Variants in CBFA2T3 observed in about 807,000 individuals in gnomAD.
CBFA2T3 encodes CBFA2/RUNX1 partner transcriptional co-repressor 3, also known as transcriptional corepressor CBFA2T3.
A neutral mutation model predicts 58.6 loss-of-function variants in CBFA2T3; 31 were observed. That is an observed-to-expected ratio of 0.53 (90% confidence interval 0.40 to 0.71). CBFA2T3 has a LOEUF of 0.71. Among genes scored for constraint, CBFA2T3 ranks in the 30% least tolerant of loss-of-function variants. The pLI is 0.00. For synonymous variants in CBFA2T3, 531 were observed against 421.9 expected (o/e 1.26, Z -3.17); for missense variants, 1,076 against 963.1 (o/e 1.12, Z -1.55).
intron 7 of CBFA2T3, 118 bp downstream of exon 7, chr16:88,884,928 G>C (rs1197591408): frequency 1.8e-5 from 13 of 727,768 alleles, no homozygotes; most frequent in Admixed American, 5.8e-5. Flanking sequence ...GGGGTCTCCC[G>C]AGCTCAGGTG....
Position 88,958,742 on chromosome 16 carries a change from G to C in CBFA2T3, c.151+17915C>G, listed in dbSNP as rs1382897478. On this transcript the variant is annotated intron_variant, in intron 1 of 11. Transcript: ENST00000268679. The surrounding 1 kb of genome is among the most constrained non-coding windows in gnomAD (Gnocchi z 4.0). ...GGAAGGAGATGAACTTGCTCTCCCA[G>C]GGCTGGGGCCTCAGGGCCTCAGCGT... Among the ~76,000 whole-genome samples, 1 of 152,036 alleles carries C rather than the reference G, an allele frequency of 6.6e-6. No individual in the cohort carries two copies. The highest frequency in any genetic ancestry group is 6.5e-5 in the Admixed American group (1 of 15,274).
At chr16:88,921,743 C>T (rs1205200970) in intron 1 of CBFA2T3, among the ~76,000 whole-genome samples, 5 of 152,264 alleles carry the variant, frequency 3.3e-5, no homozygotes, top group Admixed American at 6.5e-5. Context: ...CTGAGCCGTA[C>T]ATCCGCGGTG....
intron 1 of CBFA2T3, among the ~76,000 whole-genome samples, chr16:88,918,200 C>A (rs1454163863): frequency 6.6e-6 from 1 of 152,198 alleles, no homozygotes; most frequent in Non-Finnish European, 1.5e-5. Flanking sequence ...TTTCTCACCC[C>A]CACCCAAATG....
intron 1 of CBFA2T3, among the ~76,000 whole-genome samples, chr16:88,928,784 G>A (rs1010472302): frequency 6.6e-6 from 1 of 152,244 alleles, no homozygotes; most frequent in African/African-American, 2.4e-5. Flanking sequence ...TGGTGGTTGG[G>A]AGAGGCACGG....
At chr16:88,922,949 A>G (rs981381164) in intron 1 of CBFA2T3, among the ~76,000 whole-genome samples, 2 of 152,196 alleles carry the variant, frequency 1.3e-5, no homozygotes, top group Non-Finnish European at 2.9e-5. Context: ...AGGCCCAGAG[A>G]GGAAGGAACT....
chr16:88,911,768 C>T (rs1159432634), intron 1 of CBFA2T3, among the ~76,000 whole-genome samples: 1 of 152,266 alleles, frequency 6.6e-6, no homozygotes, highest in African/African-American at 2.4e-5. Context: ...GGAGCTGGTG[C>T]AGGTGGGGCT....
At chr16:88,891,845 G>T in intron 5 of CBFA2T3, 37 bp downstream of exon 5, 1 of 1,464,496 alleles carries the variant, frequency 6.8e-7, no homozygotes, top group Non-Finnish European at 9.5e-7. Context: ...GCCTTCTAGG[G>T]AGGCTCCCGC....
chr16:88,889,005 A>G (rs1353947216), intron 5 of CBFA2T3, among the ~76,000 whole-genome samples: 1 of 151,848 alleles, frequency 6.6e-6, no homozygotes, highest in African/African-American at 2.4e-5. Flanking sequence ...TGGTGGGGGC[A>G]AGGGTGGGGA....
chr16:88,882,706 C>T lies in CBFA2T3; in HGVS notation c.1173G>A (p.Glu391=), dbSNP rs1372259100. ...TGAGGTGCTTCCACTCTTCTGCCCA[C>T]TCACGCTCTGTGAGCTTGTGGTCGA... The part of the protein sequence containing the change: ...EVIDHKLTER[E]WAEEWKHLNN... The change falls in exon 8 of 12, where the codon GAG becomes GAA. Residue 391 remains glutamate (E), a synonymous_variant. Coordinates refer to ENST00000268679, the MANE Select transcript of CBFA2T3 (RefSeq NM_005187.6). 1.9e-6 allele frequency: 3 copies of T among 1,590,538 alleles called. No homozygotes were observed. The highest frequency in any genetic ancestry group is 1.1e-5 in the South Asian group (1 of 87,370).
chr16:88,883,689 C>A (rs1366377292), intron 7 of CBFA2T3: 1 of 151,476 alleles, frequency 6.6e-6, no homozygotes, highest in South Asian at 2.1e-4. Context: ...ACGTGAGTGA[C>A]CCCGGCAGTG....
intron 1 of CBFA2T3, among the ~76,000 whole-genome samples, chr16:88,942,038 G>A (rs981964977): frequency 1.4e-4 from 21 of 152,054 alleles, no homozygotes; most frequent in African/African-American, 5.1e-4. Flanking sequence ...CCGATGCGAA[G>A]CCCTCGCTTC....
intron 1 of CBFA2T3, among the ~76,000 whole-genome samples, chr16:88,905,769 G>T (rs1970301598): frequency 7.0e-6 from 1 of 142,382 alleles, no homozygotes; most frequent in African/African-American, 2.6e-5. Flanking sequence ...GGACGGTGGG[G>T]ATGAGGGGGC....
At chr16:88,969,222 C>G (rs1597800692) in intron 1 of CBFA2T3, among the ~76,000 whole-genome samples, 1 of 152,196 alleles carries the variant, frequency 6.6e-6, no homozygotes, top group South Asian at 2.1e-4. Flanking sequence ...GTCCCCTCCC[C>G]CACTCTGTCC....
intron 2 of CBFA2T3, among the ~76,000 whole-genome samples, chr16:88,900,934 C>T (rs909851153): frequency 1.3e-5 from 2 of 152,264 alleles, no homozygotes; most frequent in Non-Finnish European, 2.9e-5. Flanking sequence ...TGAGGTCCCA[C>T]CCTTCCGGCC....
chr16:88,919,892 A>G (rs1042399579), intron 1 of CBFA2T3, among the ~76,000 whole-genome samples: 1 of 152,220 alleles, frequency 6.6e-6, no homozygotes, highest in Admixed American at 6.5e-5. Context: ...AAAGGGGCCA[A>G]TGATAGCGTC....
intron 1 of CBFA2T3, chr16:88,941,111 C>T: frequency 2.0e-6 from 2 of 984,338 alleles, no homozygotes; most frequent in Non-Finnish European, 2.4e-6. Flanking sequence ...TTGGTCCCCG[C>T]CTCCACGACT....
intron 1 of CBFA2T3, among the ~76,000 whole-genome samples, chr16:88,926,664 A>G (rs1971094514): frequency 6.6e-6 from 1 of 152,174 alleles, no homozygotes. Context: ...GATCTTCCCA[A>G]GGGACAAGCT....
chr16:88,971,061 G>A (rs767171516), intron 1 of CBFA2T3, among the ~76,000 whole-genome samples: 16 of 152,184 alleles, frequency 1.1e-4, no homozygotes, highest in Non-Finnish European at 2.1e-4. Context: ...GGAGGGCTGG[G>A]CCGTGGGTGT....
chr16:88,896,197 G>C (rs963419665), intron 3 of CBFA2T3, among the ~76,000 whole-genome samples: 1 of 152,280 alleles, frequency 6.6e-6, no homozygotes, highest in African/African-American at 2.4e-5. Flanking sequence ...AACCTTGAGT[G>C]CACGCGTGGC....
Sources: allele counts gnomAD v4.1 joint callset (sites outside exome capture counted in the v4.1 genomes callset), GRCh38; gene constraint gnomAD v4.1.1; non-coding constraint Gnocchi (gnomAD v3.1); transcripts MANE v1.5; gene names NCBI Gene and HGNC (gene_info 2026-07-23, HGNC 2026-07-21).